The following RPRD2 variants were observed in gnomAD, a reference collection of about 807,000 sequenced individuals.
RPRD2 encodes the protein regulation of nuclear pre-mRNA domain containing 2, also known as regulation of nuclear pre-mRNA domain-containing protein 2.
Under a neutral mutation model 104.4 loss-of-function variants are expected in RPRD2, and 12 were observed. The observed-to-expected ratio is 0.11, with a 90% CI of 0.07 to 0.19. RPRD2 has a LOEUF of 0.19. Among genes scored for constraint, RPRD2 ranks in the 10% least tolerant of loss-of-function variants. RPRD2 has a pLI of 1.00. For missense variants in RPRD2, 1,543 were observed against 1,790.1 expected, an observed-to-expected ratio of 0.86 and a Z score of 2.49; for synonymous variants, 714 against 684.9, an observed-to-expected ratio of 1.04 and a Z score of -0.66.
intron 2 of RPRD2, among the ~76,000 whole-genome samples, chr1:150,436,769 G>T (rs1666028626): frequency 6.6e-6 from 1 of 152,046 alleles, no homozygotes; most frequent in African/African-American, 2.4e-5. Flanking sequence ...GCCAGGCATG[G>T]TGGCACACGC....
chr1:150,402,298 CTTCAG>C (rs1220558301), intron 1 of RPRD2, among the ~76,000 whole-genome samples: 1 of 152,164 alleles, frequency 6.6e-6, no homozygotes, highest in African/African-American at 2.4e-5. Context: ...GCATACCTAT[CTTCAG>C]TTCAGCAGTT....
intron 1 of RPRD2, among the ~76,000 whole-genome samples, chr1:150,365,818 C>A (rs1231501390): frequency 6.6e-6 from 1 of 152,012 alleles, no homozygotes; most frequent in African/African-American, 2.4e-5. Flanking sequence ...CTCGAACTCC[C>A]GACCTCAGGT....
chr1:150,426,516 A>C (rs12745446), intron 2 of RPRD2, among the ~76,000 whole-genome samples: 33,733 of 152,136 alleles, frequency 0.22, 4,257 homozygotes, highest in African/African-American at 0.32. Flanking sequence ...GGAACATGAA[A>C]ATGCTCTAAA....
chr1:150,414,429 G>T (rs1429587438), intron 1 of RPRD2, among the ~76,000 whole-genome samples: 6 of 152,158 alleles, frequency 3.9e-5, no homozygotes, highest in African/African-American at 1.4e-4. Flanking sequence ...TTGACTTACA[G>T]CCTGAAATCT....
At chr1:150,405,968 T>C (rs1553886434) in intron 1 of RPRD2, among the ~76,000 whole-genome samples, 1 of 152,188 alleles carries the variant, frequency 6.6e-6, no homozygotes, top group Non-Finnish European at 1.5e-5. Context: ...AATTTGGATA[T>C]GCCAAAGAAA....
At chr1:150,445,884 C>T (rs187474616) in intron 6 of RPRD2, among the ~76,000 whole-genome samples, 1 of 152,162 alleles carries the variant, frequency 6.6e-6, no homozygotes, top group East Asian at 1.9e-4. Context: ...CTGGCTAACA[C>T]AGTGAAACCC....
intron 1 of RPRD2, 72 bp downstream of exon 1, chr1:150,364,991 G>A (rs996843034): frequency 6.7e-7 from 1 of 1,484,942 alleles, no homozygotes; most frequent in Non-Finnish European, 9.2e-7. Flanking sequence ...AACGCTTGGG[G>A]TTTTCCCACG....
Position 150,441,969 on chromosome 1 carries a change from A to G in RPRD2, c.514+11A>G, listed in dbSNP as rs782415094. ...GGAAGAAATCACAAAGTAAGGAACA[A>G]AATCTCAACTAATATAAAATTACCT... On this transcript the variant is annotated intron_variant, in intron 4 of 10. Transcript: ENST00000369068. The G allele has an allele frequency of 6.3e-7, 1 of 1,591,222 alleles. No homozygotes were observed. The highest frequency in any genetic ancestry group is 8.6e-7 in the Non-Finnish European group (1 of 1,162,402).
At position 150,364,788 on chromosome 1, in the gene RPRD2, C is replaced by T; in HGVS notation, c.74C>T (p.Ser25Phe). 1 of 1,613,208 alleles carries T rather than the reference C, an allele frequency of 6.2e-7. No individual in the cohort carries two copies. Among genetic ancestry groups the T allele is most frequent in the Non-Finnish European group, 8.5e-7 (1 of 1,179,566 alleles). The change falls in exon 1 of 11, where the codon TCC (serine) becomes TTC (phenylalanine). Residue 25 changes from serine to phenylalanine, a missense_variant. This residue lies in a region of RPRD2 where 88 missense variants were observed against 96.6 expected (regional missense o/e 0.91). Coordinates refer to ENST00000369068, the MANE Select transcript of RPRD2 (RefSeq NM_015203.5). ...SSASSAGALE[S>F]SLDRKFQSVT... ...GCCTCTTCGGCAGGGGCTCTGGAGT[C>T]CTCGTTGGATCGAAAATTCCAGTCG...
At chr1:150,384,450 C>CATCATCATT (rs1553881396) in intron 1 of RPRD2, among the ~76,000 whole-genome samples, 3,356 of 132,114 alleles carry the variant, frequency 0.025, 58 homozygotes, top group African/African-American at 0.059. Context: ...GCATCATCAT[C>CATCATCATT]ATTATTATTA....
chr1:150,385,273 G>T (rs1395207273), intron 1 of RPRD2, among the ~76,000 whole-genome samples: 4 of 151,988 alleles, frequency 2.6e-5, no homozygotes, highest in South Asian at 2.1e-4. Context: ...ATCAGCTGGG[G>T]CAACATATTT....
At chr1:150,463,073 C>G (rs1263563649) in intron 9 of RPRD2, among the ~76,000 whole-genome samples, 1 of 152,156 alleles carries the variant, frequency 6.6e-6, no homozygotes, top group Non-Finnish European at 1.5e-5. Context: ...CCAGGCTGAT[C>G]TTGAACTCCT....
chr1:150,471,912 A>G lies in RPRD2; in HGVS notation c.2964A>G (p.Pro988=). Residue 988 remains proline (P), a synonymous_variant, in exon 11 of 11, where the codon CCA becomes CCG. Coordinates refer to ENST00000369068, the MANE Select transcript of RPRD2 (RefSeq NM_015203.5). The surrounding 1 kb of genome is among the most constrained non-coding windows in gnomAD (Gnocchi z 5.3). ...CCCTTGCCGCTCCCACGGGTCACCC[A>G]CCCACGTCAGGCGTGGAGAAAGTCC... ...QNTLAAPTGH[P]PTSGVEKVLA... is the part of the protein sequence containing the mutation. The G allele has an allele frequency of 1.2e-6, 2 of 1,613,828 alleles. No homozygotes were observed. Among genetic ancestry groups the G allele is most frequent in the Non-Finnish European group, 1.7e-6 (2 of 1,179,850 alleles).
At chr1:150,437,683 G>A (rs1053295042) in intron 2 of RPRD2, among the ~76,000 whole-genome samples, 3 of 151,964 alleles carry the variant, frequency 2.0e-5, no homozygotes, top group African/African-American at 7.2e-5. Context: ...GGTCTCAACC[G>A]ATTCCCCCAC....
At position 150,476,119 on chromosome 1, in the gene RPRD2, C is replaced by T. The variant is rs1244443779; in HGVS notation, c.*2785C>T. ...AGAGCTCTCTCCCTGCTCCCCTCTA[C>T]CCTCTCAAAAGTTGAGAGTAAATAG... On this transcript the variant is annotated 3_prime_UTR_variant, in exon 11 of 11. Coordinates refer to ENST00000369068, the MANE Select transcript of RPRD2 (RefSeq NM_015203.5). 1 of 152,174 alleles carries T rather than the reference C, an allele frequency of 6.6e-6. No homozygotes were observed. The highest frequency in any genetic ancestry group is 1.5e-5 in the Non-Finnish European group (1 of 68,024). The allele number at this position is 152,174 out of a possible 1,614,324, so 9.4% of individuals were successfully genotyped here.
chr1:150,372,945 A>G (rs999117398), intron 1 of RPRD2, among the ~76,000 whole-genome samples: 2 of 151,910 alleles, frequency 1.3e-5, no homozygotes, highest in Admixed American at 6.6e-5. Flanking sequence ...TTTTATAGGC[A>G]TTGTAAGGAC....
intron 6 of RPRD2, 120 bp downstream of exon 6, chr1:150,444,497 C>T: frequency 3.2e-6 from 3 of 928,342 alleles, no homozygotes; most frequent in Non-Finnish European, 4.7e-6. Context: ...TGTGGCACCT[C>T]TGGTTTCCCA....
chr1:150,436,489 T>C (rs1666000134), intron 2 of RPRD2, among the ~76,000 whole-genome samples: 1 of 151,902 alleles, frequency 6.6e-6, no homozygotes, highest in South Asian at 2.1e-4. Context: ...TAGTCCCAGC[T>C]ACTCCGGAGG....
At chr1:150,403,831 G>A (rs782303361) in intron 1 of RPRD2, among the ~76,000 whole-genome samples, 2 of 151,770 alleles carry the variant, frequency 1.3e-5, no homozygotes, top group African/African-American at 2.4e-5. Context: ...ATGGGATTTC[G>A]CCCGGTTGCC....
Sources: allele counts gnomAD v4.1 joint callset (sites outside exome capture counted in the v4.1 genomes callset), GRCh38; gene constraint gnomAD v4.1.1; regional missense constraint gnomAD v4.1.1; non-coding constraint Gnocchi (gnomAD v3.1); transcripts MANE v1.5; gene names NCBI Gene and HGNC (gene_info 2026-07-23, HGNC 2026-07-21).